The following C6 variants were observed in gnomAD, a reference collection of about 807,000 sequenced individuals.
C6 encodes complement C6.
C6 carries 101 observed loss-of-function variants against 112.9 expected under a neutral mutation model. The ratio of observed to expected loss-of-function variants is 0.89; its 90% CI spans 0.76 to 1.06. The LOEUF (loss-of-function observed/expected upper bound fraction) is 1.06, where lower values mean the gene tolerates loss of function less well. C6 is among the 50% of genes least tolerant of loss of function. C6 has a pLI of 0.00. For synonymous variants in C6, 431 were observed against 384.1 expected (o/e 1.12, Z -1.43); for missense variants, 1,202 against 1,104.6 (o/e 1.09, Z -1.25).
intron 7 of C6, among the ~76,000 whole-genome samples, chr5:41,177,278 T>G (rs545887001): frequency 1.3e-5 from 2 of 152,274 alleles, no homozygotes; most frequent in South Asian, 4.1e-4. Context: ...CTAAATTACT[T>G]AGTGGGTGAA....
intron 1 of C6, among the ~76,000 whole-genome samples, chr5:41,229,250 G>A (rs577349093): frequency 1.2e-3 from 180 of 146,648 alleles, no homozygotes; most frequent in Non-Finnish European, 2.1e-3. Flanking sequence ...TCTTTTTCTT[G>A]TTTCTTGAGG....
chr5:41,227,049 CT>C (rs1739558518), intron 1 of C6, among the ~76,000 whole-genome samples: 1 of 152,076 alleles, frequency 6.6e-6, no homozygotes, highest in Non-Finnish European at 1.5e-5. Context: ...TCTATAATGT[CT>C]GTACAAATTA....
At chr5:41,182,499 T>C (rs897843309) in intron 6 of C6, among the ~76,000 whole-genome samples, 3 of 152,224 alleles carry the variant, frequency 2.0e-5, no homozygotes, top group African/African-American at 2.4e-5. Flanking sequence ...TTCTAAGGTC[T>C]TCTAACTCCC....
At chr5:41,246,748 A>G (rs56176580) in intron 1 of C6, among the ~76,000 whole-genome samples, 4,285 of 152,282 alleles carry the variant, frequency 0.028, 218 homozygotes, top group African/African-American at 0.097. Flanking sequence ...GCTAAATGCA[A>G]TTCCTACTTG....
At chr5:41,170,116 T>C (rs530275938) in intron 9 of C6, among the ~76,000 whole-genome samples, 2 of 152,216 alleles carry the variant, frequency 1.3e-5, no homozygotes, top group East Asian at 3.9e-4. Flanking sequence ...TTATATAACA[T>C]TTTTTAAAAA....
At chr5:41,231,803 A>G (rs879808944) in intron 1 of C6, among the ~76,000 whole-genome samples, 1 of 152,044 alleles carries the variant, frequency 6.6e-6, no homozygotes, top group Admixed American at 6.6e-5. Context: ...TTTAAAAATG[A>G]TAGACACTGT....
At chr5:41,231,691 G>T (rs1451663713) in intron 1 of C6, among the ~76,000 whole-genome samples, 1 of 151,786 alleles carries the variant, frequency 6.6e-6, no homozygotes, top group Non-Finnish European at 1.5e-5. Flanking sequence ...GTACTAATTA[G>T]ACTTATTTTA....
At chr5:41,180,382 AT>A (rs1749226742) in intron 7 of C6, among the ~76,000 whole-genome samples, 1 of 152,200 alleles carries the variant, frequency 6.6e-6, no homozygotes, top group African/African-American at 2.4e-5. Context: ...GTATTTTAAA[AT>A]ATCTTTGTAA....
intron 14 of C6, 66 bp downstream of exon 14, chr5:41,154,906 C>T: frequency 4.0e-6 from 6 of 1,505,682 alleles, no homozygotes; most frequent in Admixed American, 1.7e-5. Context: ...TGTGATTTTA[C>T]TGTTTTTATA....
Position 41,237,189 on chromosome 5 carries a change from T to A in C6, c.-21+24005A>T, listed in dbSNP as rs1374908960. Among the ~76,000 whole-genome samples the A allele has an allele frequency of 5.8e-5, 8 of 137,316 alleles. No individual in the cohort carries two copies. The Admixed American group carries it at 6.0e-4, about 10-fold the overall frequency. The allele number at this position is 137,316 out of a possible 152,430, so 90.1% of individuals were successfully genotyped here. ...ACCATTCCTTCTGAAACTTTTCTAA[T>A]CAATAGAAAAAGAGGGAATCCTCCC... is the stretch of plus-strand genomic sequence containing the variant. On this transcript the variant is annotated intron_variant, in intron 1 of 17. Coordinates refer to the C6 transcript ENST00000263413.
At chr5:41,217,160 A>T (rs1429400652), upstream of C6, among the ~76,000 whole-genome samples, 9 of 151,924 alleles carry the variant, frequency 5.9e-5, no homozygotes, top group Non-Finnish European at 1.3e-4. Context: ...TCCTTCTTAA[A>T]TTTTTTCTAC....
At chr5:41,238,666 G>A (rs1740488390) in intron 1 of C6, among the ~76,000 whole-genome samples, 1 of 152,082 alleles carries the variant, frequency 6.6e-6, no homozygotes, top group South Asian at 2.1e-4. Flanking sequence ...TAATTTTTAT[G>A]GTGTAATATC....
At position 41,254,263 on chromosome 5, in the gene C6, G is replaced by A. The variant is rs139065877; in HGVS notation, c.-21+6931C>T. Among the ~76,000 whole-genome samples the A allele has an allele frequency of 4.3e-3, 654 of 152,092 alleles. 4 individuals carry two copies. Among genetic ancestry groups the A allele is most frequent in the Non-Finnish European group, 4.1e-3 (282 of 68,010 alleles). ...AAAAATACAAAAAATTAAATTAGCCGGGTGTGGTGATGGGCGCCTGTAGTC... is the reference window on the plus strand; with the variant it reads ...AAAAATACAAAAAATTAAATTAGCCAGGTGTGGTGATGGGCGCCTGTAGTC... On this transcript the variant is annotated intron_variant, in intron 1 of 17. Transcript: ENST00000263413.
At chr5:41,186,008 T>G in intron 6 of C6, 62 bp downstream of exon 6, 1 of 1,593,502 alleles carries the variant, frequency 6.3e-7, no homozygotes, top group South Asian at 1.1e-5. Flanking sequence ...TAATTTTGCA[T>G]GAGAAATTTA....
chr5:41,179,684 T>A (rs2150318753), intron 7 of C6, among the ~76,000 whole-genome samples: 1 of 148,152 alleles, frequency 6.7e-6, no homozygotes, highest in South Asian at 2.1e-4. Context: ...TATGTTATAT[T>A]ATATATATAA....
rs776282386 is a variant in C6, at chr5:41,153,798, G to A, written c.2290+12C>T. The A allele has an allele frequency of 6.2e-7, 1 of 1,604,190 alleles. No homozygotes were observed. Among genetic ancestry groups the A allele is most frequent in the African/African-American group, 1.3e-5 (1 of 74,650 alleles). The stretch of plus-strand genomic sequence containing the variant: ...ACCTTATCAGACCCCAGAACACTGA[G>A]CTGCTACTCACCTTTTTCACAGGTG... On this transcript the variant is annotated intron_variant, in intron 15 of 17. Coordinates refer to ENST00000337836, the MANE Select transcript of C6 (RefSeq NM_000065.5).
chr5:41,220,494 C>T (rs533475654), intron 1 of C6, among the ~76,000 whole-genome samples: 3 of 152,118 alleles, frequency 2.0e-5, no homozygotes, highest in East Asian at 1.9e-4. Flanking sequence ...GACTTACTAA[C>T]GTTTTGTGTG....
At chr5:41,198,488 C>T (rs1004283273) in intron 4 of C6, among the ~76,000 whole-genome samples, 1 of 152,112 alleles carries the variant, frequency 6.6e-6, no homozygotes, top group African/African-American at 2.4e-5. Flanking sequence ...GGATTTTGGG[C>T]TCTGGGAAGC....
chr5:41,199,599 T>A (rs1750855149), intron 4 of C6, among the ~76,000 whole-genome samples, 169 bp downstream of exon 4: 1 of 152,186 alleles, frequency 6.6e-6, no homozygotes, highest in Non-Finnish European at 1.5e-5. Flanking sequence ...AAAGCCATAA[T>A]TTTACAGTGG....
Sources: allele counts gnomAD v4.1 joint callset (sites outside exome capture counted in the v4.1 genomes callset), GRCh38; gene constraint gnomAD v4.1.1; transcripts MANE v1.5; gene names NCBI Gene and HGNC (gene_info 2026-07-23, HGNC 2026-07-21).